RNF13: variants seen among roughly 807,000 people sequenced by gnomAD.
RNF13 encodes the protein ring finger protein 13, also known as E3 ubiquitin-protein ligase RNF13.
A neutral mutation model predicts 37.7 loss-of-function variants in RNF13; 19 were observed. That is an observed-to-expected ratio of 0.50 (90% CI 0.35 to 0.74). The LOEUF is 0.74. Ranked by LOEUF, RNF13 falls within the 30% of genes least tolerant of loss-of-function variation. The pLI is 0.01. For synonymous variants in RNF13, 144 were observed against 157.8 expected (o/e 0.91, Z 0.65); for missense variants, 375 against 453.0 (o/e 0.83, Z 1.56).
chr3:149,819,614 A>G (rs1719829749), intron 1 of RNF13, among the ~76,000 whole-genome samples: 1 of 152,190 alleles, frequency 6.6e-6, no homozygotes, highest in South Asian at 2.1e-4. Flanking sequence ...AGAAGCATAT[A>G]ATGAGAGTCT....
intron 8 of RNF13, 49 bp downstream of exon 8, chr3:149,921,276 A>G: frequency 1.2e-6 from 1 of 835,668 alleles, no homozygotes; most frequent in African/African-American, 1.8e-5. Flanking sequence ...TTAAGACTGC[A>G]GGGTGACTAT....
intron 8 of RNF13, among the ~76,000 whole-genome samples, chr3:149,930,073 G>A (rs1719017784): frequency 6.6e-6 from 1 of 152,250 alleles, no homozygotes. Context: ...GCACAGGCAT[G>A]TGCCACCATG....
intron 6 of RNF13, among the ~76,000 whole-genome samples, chr3:149,907,628 T>G (rs1440890400): frequency 1.3e-5 from 2 of 152,202 alleles, no homozygotes; most frequent in African/African-American, 4.8e-5. Flanking sequence ...AAAAATTTAT[T>G]ATCTCTGGGC....
intron 8 of RNF13, among the ~76,000 whole-genome samples, chr3:149,933,585 C>CTT (rs36076578): frequency 3.0e-5 from 4 of 134,670 alleles, no homozygotes; most frequent in Non-Finnish European, 4.8e-5. Flanking sequence ...TTTCTTTCTT[C>CTT]TTTTTTTTTT....
At chr3:149,879,420 C>T (rs1165744347) in intron 4 of RNF13, among the ~76,000 whole-genome samples, 3 of 151,426 alleles carry the variant, frequency 2.0e-5, no homozygotes, top group Admixed American at 6.6e-5. Context: ...GCGATCCTTC[C>T]ACCTCAGCCT....
intron 7 of RNF13, among the ~76,000 whole-genome samples, chr3:149,915,227 G>A (rs923618601): frequency 9.2e-5 from 14 of 152,116 alleles, no homozygotes; most frequent in Non-Finnish European, 1.9e-4. Flanking sequence ...TGTTTATGAT[G>A]TATAAATTTT....
intron 7 of RNF13, chr3:149,917,579 C>T (rs977347152): frequency 1.3e-5 from 2 of 152,130 alleles, no homozygotes; most frequent in Non-Finnish European, 2.9e-5. Context: ...CCCTCAGAAA[C>T]GTAGATATTC....
At chr3:149,924,593 T>G (rs1346517487) in intron 8 of RNF13, among the ~76,000 whole-genome samples, 2 of 152,178 alleles carry the variant, frequency 1.3e-5, no homozygotes, top group Admixed American at 6.5e-5. Flanking sequence ...TGAACATAAG[T>G]AAGATGAGAG....
chr3:149,894,850 A>G (rs1715072662), intron 4 of RNF13, among the ~76,000 whole-genome samples: 1 of 152,126 alleles, frequency 6.6e-6, no homozygotes, highest in Admixed American at 6.5e-5. Flanking sequence ...TTTTAAAGTG[A>G]GACGTAATAA....
chr3:149,853,611 G>C (rs980240359), intron 3 of RNF13, among the ~76,000 whole-genome samples: 2 of 151,820 alleles, frequency 1.3e-5, no homozygotes, highest in African/African-American at 4.8e-5. Flanking sequence ...ATATGCTTCA[G>C]ATTATCCCTT....
At chr3:149,863,065 T>C (rs1724433320) in intron 3 of RNF13, among the ~76,000 whole-genome samples, 1 of 152,236 alleles carries the variant, frequency 6.6e-6, no homozygotes, top group South Asian at 2.1e-4. Flanking sequence ...TCCCTACTTT[T>C]GTTTGCCTGC....
chr3:149,837,670 G>A (rs1394170279), intron 1 of RNF13, among the ~76,000 whole-genome samples: 1 of 152,126 alleles, frequency 6.6e-6, no homozygotes, highest in Non-Finnish European at 1.5e-5. Flanking sequence ...GGGAAGACCT[G>A]CCTCCATGAT....
intron 8 of RNF13, among the ~76,000 whole-genome samples, chr3:149,952,426 G>A (rs1721434442): frequency 6.6e-6 from 1 of 151,974 alleles, no homozygotes; most frequent in Non-Finnish European, 1.5e-5. Flanking sequence ...AAACGGACAG[G>A]TTTTTTATTT....
rs143149372 is a variant in RNF13 at position 149,829,202 on chromosome 3, C to T, written c.-17+15849C>T. On this transcript the variant is annotated intron_variant, in intron 1 of 9. Transcript: ENST00000392894. Reference sequence around the variant, plus strand: ...GCAACCTCTTCCTCCCAGGTTCAAGCGATTCTCCTGCCTCAGCCTCCCAAG... The same window carrying T: ...GCAACCTCTTCCTCCCAGGTTCAAGTGATTCTCCTGCCTCAGCCTCCCAAG... Among the ~76,000 whole-genome samples, 230 of 152,236 alleles carry T rather than the reference C, an allele frequency of 1.5e-3. 2 individuals carry two copies. The highest frequency in any genetic ancestry group is 8.9e-3 in the East Asian group (46 of 5,180).
At chr3:149,929,927 T>C (rs1265500958) in intron 8 of RNF13, among the ~76,000 whole-genome samples, 3 of 152,158 alleles carry the variant, frequency 2.0e-5, no homozygotes, top group Non-Finnish European at 2.9e-5. Flanking sequence ...TACTGTACTT[T>C]TGTTTTGTTT....
intron 4 of RNF13, among the ~76,000 whole-genome samples, chr3:149,878,102 CTTTA>C (rs983538376): frequency 2.0e-5 from 3 of 152,068 alleles, no homozygotes; most frequent in African/African-American, 7.2e-5. Flanking sequence ...ATGCCAGTAA[CTTTA>C]TTTATGTATC....
intron 7 of RNF13, among the ~76,000 whole-genome samples, chr3:149,915,431 C>T (rs1474037961): frequency 6.6e-6 from 1 of 152,096 alleles, no homozygotes; most frequent in African/African-American, 2.4e-5. Flanking sequence ...AATGGAACAA[C>T]CACTAAAGAA....
chr3:149,840,699 C>A (rs1412926466), intron 1 of RNF13, among the ~76,000 whole-genome samples: 1 of 152,166 alleles, frequency 6.6e-6, no homozygotes, highest in African/African-American at 2.4e-5. Flanking sequence ...TCACTGTCCA[C>A]CTGCGTGGTC....
At chr3:149,855,066 G>A (rs1363807135) in intron 3 of RNF13, among the ~76,000 whole-genome samples, 2 of 152,158 alleles carry the variant, frequency 1.3e-5, no homozygotes, top group African/African-American at 4.8e-5. Context: ...GCTCACATCT[G>A]CAGTCCCAGC....
Sources: allele counts gnomAD v4.1 joint callset (sites outside exome capture counted in the v4.1 genomes callset), GRCh38; gene constraint gnomAD v4.1.1; transcripts MANE v1.5; gene names NCBI Gene and HGNC (gene_info 2026-07-23, HGNC 2026-07-21).